Variants in AGBL4 observed in about 807,000 individuals in gnomAD.
AGBL4 encodes the protein cytosolic carboxypeptidase 6.
AGBL4 carries 58 observed loss-of-function variants against 66.4 expected under a neutral mutation model. That is an observed-to-expected ratio of 0.87 (90% CI 0.71 to 1.09). The LOEUF is 1.09. Ranked by LOEUF, AGBL4 falls within the 50% of genes least tolerant of loss-of-function variation. The pLI is 0.00. For missense variants in AGBL4, 579 were observed against 631.0 expected (o/e 0.92, Z 0.88); for synonymous variants, 234 against 222.9 (o/e 1.05, Z -0.44).
In AGBL4 at chr1:49,826,256, A is replaced by G. The variant is rs372760765; in HGVS notation, c.157+25140T>C. 3.2e-4 allele frequency among the ~76,000 whole-genome samples: 49 copies of G among 152,306 alleles called. 1 individual carries two copies. The South Asian group carries it at 9.5e-3, about 30-fold the overall frequency. ...AAAAAACAAGCAAAACATATTGGGA[A>G]GGAATTAACTAGTACATATGGGTAT... On this transcript the variant is annotated intron_variant, in intron 2 of 13. Coordinates refer to ENST00000371839, the MANE Select transcript of AGBL4 (RefSeq NM_032785.4).
chr1:49,992,124 C>A (rs576085489), intron 1 of AGBL4, among the ~76,000 whole-genome samples: 19 of 152,284 alleles, frequency 1.2e-4, no homozygotes, highest in African/African-American at 3.8e-4. Flanking sequence ...GTAATCCCAG[C>A]ACTTTGGGAG....
At chr1:49,053,551 A>C (rs1644257756) in intron 4 of AGBL4, among the ~76,000 whole-genome samples, 2 of 152,170 alleles carry the variant, frequency 1.3e-5, no homozygotes, top group African/African-American at 4.8e-5. Flanking sequence ...AATGTGGAAA[A>C]TAATTGGTTA....
At chr1:49,947,979 AATATATATT>A (rs1655428182) in intron 1 of AGBL4, among the ~76,000 whole-genome samples, 2 of 95,224 alleles carry the variant, frequency 2.1e-5, no homozygotes, top group East Asian at 3.1e-4. Context: ...TATATTTATA[AATATATATT>A]TATATATATA....
chr1:49,589,981 G>A (rs1644722230), intron 3 of AGBL4, among the ~76,000 whole-genome samples: 1 of 152,048 alleles, frequency 6.6e-6, no homozygotes, highest in African/African-American at 2.4e-5. Context: ...AGGTCTGTCT[G>A]TAGGACCTAA....
chr1:48,840,790 C>CA (rs752919732), intron 6 of AGBL4, among the ~76,000 whole-genome samples: 1 of 152,170 alleles, frequency 6.6e-6, no homozygotes, highest in African/African-American at 2.4e-5. Flanking sequence ...TATGTTCACA[C>CA]AAAAACCTGT....
chr1:49,925,293 G>T (rs535025281), intron 1 of AGBL4, among the ~76,000 whole-genome samples: 1 of 152,040 alleles, frequency 6.6e-6, no homozygotes, highest in Non-Finnish European at 1.5e-5. Context: ...CTAGGCTGAA[G>T]AAGAGCCTTA....
intron 3 of AGBL4, among the ~76,000 whole-genome samples, chr1:49,582,170 G>T (rs1172185301): frequency 6.6e-6 from 1 of 152,142 alleles, no homozygotes; most frequent in East Asian, 1.9e-4. Context: ...TTAGAAGATG[G>T]AAAAAAACTG....
In AGBL4 at chr1:49,853,969, T is replaced by A. The variant is rs375665254; in HGVS notation, c.35-2451A>T. Among the ~76,000 whole-genome samples, 15 of 151,520 alleles carry A rather than the reference T, an allele frequency of 9.9e-5. No individual in the cohort carries two copies. In the East Asian group the frequency reaches 1.6e-3, roughly 16 times the overall value. On this transcript the variant is annotated intron_variant, in intron 1 of 13. Transcript: ENST00000371839. ...GGCAGAAGGGAAATAATACCAGATA[T>A]AAACTAAGATCCACACAAAGAAATT...
intron 5 of AGBL4, among the ~76,000 whole-genome samples, chr1:49,040,859 ATAAAAATCATAAGGTAC>A (rs1643922507): frequency 6.6e-6 from 1 of 152,132 alleles, no homozygotes; most frequent in Non-Finnish European, 1.5e-5. Context: ...ACACAACTCT[ATAAAAATCATAAGGTAC>A]TAAAAATCAT....
chr1:49,664,890 C>T (rs536274141), intron 3 of AGBL4, among the ~76,000 whole-genome samples: 91 of 152,154 alleles, frequency 6.0e-4, no homozygotes, highest in Non-Finnish European at 1.2e-3. Context: ...CAGTTAGGTG[C>T]TATATGCTAA....
intron 4 of AGBL4, among the ~76,000 whole-genome samples, chr1:49,237,908 T>C (rs1425301415): frequency 6.6e-6 from 1 of 152,054 alleles, no homozygotes; most frequent in Non-Finnish European, 1.5e-5. Context: ...AAAATACCTT[T>C]AGTTTTATTT....
intron 11 of AGBL4, among the ~76,000 whole-genome samples, chr1:48,561,265 C>T (rs111515568): frequency 1.3e-5 from 2 of 151,952 alleles, no homozygotes; most frequent in Non-Finnish European, 2.9e-5. Context: ...TTCCTTCCCT[C>T]CTTCCCTTCC....
chr1:49,625,913 C>T (rs1293590670), intron 3 of AGBL4, among the ~76,000 whole-genome samples: 2 of 152,056 alleles, frequency 1.3e-5, no homozygotes, highest in East Asian at 3.9e-4. Context: ...GAATGATCAG[C>T]AAGGATATGA....
intron 4 of AGBL4, among the ~76,000 whole-genome samples, chr1:49,179,404 G>A (rs1646888519): frequency 6.6e-6 from 1 of 152,038 alleles, no homozygotes; most frequent in South Asian, 2.1e-4. Flanking sequence ...TTCTGTTTTT[G>A]TTTGTCTCCC....
intron 1 of AGBL4, chr1:49,995,041 G>T (rs762661157): frequency 3.8e-5 from 17 of 441,880 alleles, no homozygotes; most frequent in Non-Finnish European, 7.3e-5. Context: ...GGTCCATGGG[G>T]AGAGATGCCA....
chr1:49,658,662 G>T (rs1403308003), intron 3 of AGBL4, among the ~76,000 whole-genome samples: 1 of 152,134 alleles, frequency 6.6e-6, no homozygotes, highest in Non-Finnish European at 1.5e-5. Flanking sequence ...TATACACCAT[G>T]GAATACTATG....
At chr1:49,097,523 G>T (rs903576547) in intron 4 of AGBL4, among the ~76,000 whole-genome samples, 1 of 152,170 alleles carries the variant, frequency 6.6e-6, no homozygotes, top group Admixed American at 6.5e-5. Flanking sequence ...CTCTCTGGAG[G>T]TTACCCATGA....
chr1:49,446,059 C>A (rs1189475350), intron 3 of AGBL4, among the ~76,000 whole-genome samples: 1 of 152,062 alleles, frequency 6.6e-6, no homozygotes, highest in Non-Finnish European at 1.5e-5. Flanking sequence ...GTCTTGTTGG[C>A]CAGGCTGGTC....
chr1:49,881,262 C>T (rs1007229344), intron 1 of AGBL4, among the ~76,000 whole-genome samples: 19 of 152,178 alleles, frequency 1.2e-4, no homozygotes, highest in African/African-American at 4.6e-4. Context: ...TGTATATGTG[C>T]CACATTTTCT....
Sources: allele counts gnomAD v4.1 joint callset (sites outside exome capture counted in the v4.1 genomes callset), GRCh38; gene constraint gnomAD v4.1.1; transcripts MANE v1.5; gene names NCBI Gene and HGNC (gene_info 2026-07-23, HGNC 2026-07-21).